Variants in SHISA9 observed in about 807,000 individuals in gnomAD.
The protein encoded by SHISA9 is shisa family member 9.
In SHISA9, 13 loss-of-function variants were observed where a neutral mutation model predicts 38.0. The ratio of observed to expected loss-of-function variants is 0.34; its 90% CI spans 0.22 to 0.54. The LOEUF is 0.54. SHISA9 is among the 20% of genes least tolerant of loss of function. The probability of loss-of-function intolerance (pLI) is 0.91; values close to 1 mark genes in which losing one functional copy is unlikely to be tolerated. For synonymous variants in SHISA9, 275 were observed against 242.0 expected (o/e 1.14, Z -1.27); for missense variants, 538 against 575.8 (o/e 0.93, Z 0.67).
chr16:12,959,560 G>A (rs1258095532), intron 2 of SHISA9, among the ~76,000 whole-genome samples: 2 of 152,216 alleles, frequency 1.3e-5, no homozygotes, highest in East Asian at 3.9e-4. Context: ...AAAAAACAGA[G>A]CTCAGACTTG....
chr16:13,156,695 C>G (rs1428578111), intron 2 of SHISA9, among the ~76,000 whole-genome samples: 3 of 145,970 alleles, frequency 2.1e-5, no homozygotes, highest in Non-Finnish European at 3.0e-5. Flanking sequence ...GATCGCGCCA[C>G]TACACTCCAG....
chr16:13,027,881 C>T (rs936270305), intron 2 of SHISA9, among the ~76,000 whole-genome samples: 1 of 139,164 alleles, frequency 7.2e-6, no homozygotes, highest in Non-Finnish European at 1.5e-5. Context: ...GAGCCGAGAC[C>T]ACGCCACTGC....
intron 2 of SHISA9, among the ~76,000 whole-genome samples, chr16:13,019,940 TTTC>T (rs2072825329): frequency 1.3e-5 from 1 of 78,068 alleles, no homozygotes; most frequent in South Asian, 4.1e-4. Flanking sequence ...TCTTTCTTTC[TTTC>T]TTTCTTTCTT....
At chr16:13,065,874 T>C (rs1406535336) in intron 2 of SHISA9, among the ~76,000 whole-genome samples, 3 of 152,204 alleles carry the variant, frequency 2.0e-5, no homozygotes, top group African/African-American at 7.2e-5. Context: ...CAGCTCAATT[T>C]GCAAGTCTTA....
At position 13,015,984 on chromosome 16, in the gene SHISA9, CCCT is replaced by C. The variant is rs747760279; in HGVS notation, c.691+99170_691+99172del. ...CCCTTCCCTTCCCTTCCCTTCCCTT[CCCT>C]TCTTTTCTTTTCTTCCTTGAGACAG... On this transcript the variant is annotated intron_variant, in intron 2 of 4. Transcript: ENST00000558583. 3.4e-4 allele frequency among the ~76,000 whole-genome samples: 13 copies of C among 38,690 alleles called. 1 individual carries two copies. Among genetic ancestry groups the C allele is most frequent in the Middle Eastern group, 0.02 (1 of 50 alleles). 25.4% of individuals were successfully genotyped at this position (38,690 alleles called of 152,430 possible).
At chr16:13,519,881 C>T in the SHISA9 span, among the ~76,000 whole-genome samples, 2 of 152,126 alleles carry the variant, frequency 1.3e-5, no homozygotes, top group African/African-American at 2.4e-5. Context: ...CCCCATCCCC[C>T]ATGACACTTG....
intron 2 of SHISA9, among the ~76,000 whole-genome samples, chr16:13,022,434 C>G (rs960008854): frequency 6.6e-6 from 1 of 152,012 alleles, no homozygotes; most frequent in Non-Finnish European, 1.5e-5. Flanking sequence ...CGGGTTCACG[C>G]GATTCTCCTG....
the SHISA9 span, among the ~76,000 whole-genome samples, chr16:13,449,643 A>G: frequency 1.3e-5 from 2 of 152,142 alleles, no homozygotes; most frequent in Admixed American, 1.3e-4. Flanking sequence ...TTGCCCTTCC[A>G]TTCCTTTCAT....
intron 2 of SHISA9, among the ~76,000 whole-genome samples, chr16:13,086,245 C>T (rs2073708900): frequency 6.7e-6 from 1 of 148,582 alleles, no homozygotes; most frequent in Admixed American, 6.8e-5. Context: ...GTCTCCGTGG[C>T]TTGGGAGGCT....
chr16:13,213,124 G>A (rs915227252), intron 3 of SHISA9, 129 bp from the exon 4 acceptor site: 18 of 714,664 alleles, frequency 2.5e-5, no homozygotes, highest in Non-Finnish European at 4.1e-5. Flanking sequence ...TGTTCCCTGG[G>A]TCCCCTGAGG....
At chr16:13,050,442 C>G (rs2073237850) in intron 2 of SHISA9, among the ~76,000 whole-genome samples, 1 of 152,142 alleles carries the variant, frequency 6.6e-6, no homozygotes, top group Non-Finnish European at 1.5e-5. Flanking sequence ...AGCCATCCCC[C>G]TACCTCAGCC....
the SHISA9 span, among the ~76,000 whole-genome samples, chr16:13,287,168 C>T: frequency 1.4e-4 from 21 of 152,046 alleles, no homozygotes; most frequent in East Asian, 7.7e-4. Flanking sequence ...ACATGATCTA[C>T]GCTATCACAT....
At chr16:13,556,380 T>C in the SHISA9 span, among the ~76,000 whole-genome samples, 6 of 152,156 alleles carry the variant, frequency 3.9e-5, no homozygotes, top group Non-Finnish European at 1.5e-5. Flanking sequence ...TAGTGAATCA[T>C]TCCGCTTTTC....
intron 2 of SHISA9, among the ~76,000 whole-genome samples, chr16:13,182,024 GCCAGAGCCAATGGTGA>G: frequency 6.6e-6 from 1 of 152,314 alleles, no homozygotes; most frequent in South Asian, 2.1e-4. Flanking sequence ...CAGAAATCGT[GCCAGAGCCAATGGTGA>G]CCAGAAGCTA....
chr16:13,270,205 C>T, the SHISA9 span, among the ~76,000 whole-genome samples: 1 of 152,132 alleles, frequency 6.6e-6, no homozygotes, highest in Non-Finnish European at 1.5e-5. Flanking sequence ...TGAGGGTCAG[C>T]AGGCTGCAAC....
the SHISA9 span, among the ~76,000 whole-genome samples, chr16:13,436,956 G>A: frequency 6.6e-6 from 1 of 152,202 alleles, no homozygotes; most frequent in Non-Finnish European, 1.5e-5. Context: ...AATGGGGGCA[G>A]GCAAGAGAGC....
intron 2 of SHISA9, among the ~76,000 whole-genome samples, chr16:13,054,824 T>C (rs942308111): frequency 2.6e-5 from 4 of 152,206 alleles, no homozygotes; most frequent in African/African-American, 9.6e-5. Flanking sequence ...CACACTGACT[T>C]CATTTCAGTG....
chr16:13,191,975 T>C (rs1187577807), intron 2 of SHISA9, among the ~76,000 whole-genome samples: 2 of 152,194 alleles, frequency 1.3e-5, no homozygotes, highest in African/African-American at 2.4e-5. Context: ...AAACTGTTGA[T>C]GTGCTCATCA....
intron 4 of SHISA9, among the ~76,000 whole-genome samples, chr16:13,222,935 G>A (rs959457813): frequency 2.0e-5 from 3 of 152,080 alleles, no homozygotes; most frequent in African/African-American, 7.2e-5. Context: ...CTTGCTATGA[G>A]GCAATGACAT....
Sources: allele counts gnomAD v4.1 joint callset (sites outside exome capture counted in the v4.1 genomes callset), GRCh38; gene constraint gnomAD v4.1.1; transcripts MANE v1.5; gene names NCBI Gene and HGNC (gene_info 2026-07-23, HGNC 2026-07-21).